The following FAM3D variants were observed in gnomAD, a reference collection of about 807,000 sequenced individuals.
FAM3D encodes FAM3 metabolism regulating signaling molecule D, also known as protein FAM3D.
Under a neutral mutation model 29.8 loss-of-function variants are expected in FAM3D, and 26 were observed. The ratio of observed to expected loss-of-function variants is 0.87; its 90% confidence interval spans 0.64 to 1.21. FAM3D has a LOEUF of 1.21. Ranked by LOEUF, FAM3D falls within the 50% of genes most tolerant of loss-of-function variation. FAM3D has a pLI of 0.00. For synonymous variants in FAM3D, 115 were observed against 102.3 expected (o/e 1.12, Z -0.75); for missense variants, 253 against 290.9 (o/e 0.87, Z 0.95).
rs549042715 is a variant in FAM3D at position 58,657,357 on chromosome 3, C to G, written c.-38-1756G>C. On this transcript the variant is annotated intron_variant, in intron 1 of 9. Coordinates refer to ENST00000358781, the MANE Select transcript of FAM3D (RefSeq NM_138805.3). ...TCTGGGACAGAGTTGAAGGGGGAGA[C>G]GGAGAGAAGGGGCGGGGTGGTGGGG... Among the ~76,000 whole-genome samples the G allele has an allele frequency of 1.1e-4, 13 of 119,814 alleles. No individual in the cohort carries two copies. In the South Asian group the frequency reaches 2.7e-3, roughly 25 times the overall value. The allele number at this position is 119,814 out of a possible 152,430, so 78.6% of individuals were successfully genotyped here.
Position 58,643,707 on chromosome 3 carries a change from C to G in FAM3D, c.277G>C (p.Val93Leu), listed in dbSNP as rs1311313233. 1 of 1,613,988 alleles carries G rather than the reference C, an allele frequency of 6.2e-7. No individual in the cohort carries two copies. Among genetic ancestry groups the G allele is most frequent in the South Asian group, 1.1e-5 (1 of 91,078 alleles). ...AGGCCTCTGCCCACATTGTTTTTCA[C>G]AGGACTCATGATCCTGAAGACAATG... ...CFEDRMIMSP[V>L]KNNVGRGLNI... Residue 93 changes from valine (V) to leucine (L), a missense_variant, in exon 6 of 10, where the codon GTG becomes CTG. By Grantham distance (32) the Val-to-Leu change is conservative. Coordinates refer to ENST00000358781, the MANE Select transcript of FAM3D (RefSeq NM_138805.3).
chr3:58,665,594 A>G (rs915791641), intron 1 of FAM3D, among the ~76,000 whole-genome samples: 1 of 152,164 alleles, frequency 6.6e-6, no homozygotes, highest in Non-Finnish European at 1.5e-5. Flanking sequence ...TGAATCATCT[A>G]GAAGGACACT....
chr3:58,648,657 C>T (rs2066542752), intron 4 of FAM3D, among the ~76,000 whole-genome samples: 3 of 152,200 alleles, frequency 2.0e-5, no homozygotes, highest in Admixed American at 2.0e-4. Context: ...TTACTAGTAC[C>T]ATCATCACAG....
intron 4 of FAM3D, among the ~76,000 whole-genome samples, chr3:58,646,539 T>C (rs554248456): frequency 1.3e-5 from 2 of 152,342 alleles, no homozygotes; most frequent in African/African-American, 4.8e-5. Flanking sequence ...TTCATCCTAA[T>C]GTGTGCTTTT....
At chr3:58,661,034 C>A (rs181300664) in intron 1 of FAM3D, among the ~76,000 whole-genome samples, 1 of 152,136 alleles carries the variant, frequency 6.6e-6, no homozygotes, top group Non-Finnish European at 1.5e-5. Context: ...CTTGGCAGGC[C>A]GTATGTTCTG....
At chr3:58,636,806 G>A (rs1395932032) in intron 8 of FAM3D, among the ~76,000 whole-genome samples, 2 of 151,994 alleles carry the variant, frequency 1.3e-5, no homozygotes, top group Admixed American at 6.6e-5. Context: ...GAGGGTGAGC[G>A]ATTTTCCACG....
intron 1 of FAM3D, among the ~76,000 whole-genome samples, chr3:58,665,908 A>G (rs1279350657): frequency 6.6e-6 from 1 of 152,208 alleles, no homozygotes; most frequent in Non-Finnish European, 1.5e-5. Flanking sequence ...TCAGCGATTG[A>G]TGGGGGATAT....
At chr3:58,645,748 G>C (rs372504404) in intron 4 of FAM3D, 122 bp from the exon 5 acceptor site, 157 of 839,136 alleles carry the variant, frequency 1.9e-4, no homozygotes, top group Non-Finnish European at 2.9e-4. Flanking sequence ...GCCTCTTTCT[G>C]GGGGAGCCTT....
chr3:58,646,549 T>C (rs1009656965), intron 4 of FAM3D, among the ~76,000 whole-genome samples: 1 of 152,222 alleles, frequency 6.6e-6, no homozygotes, highest in African/African-American at 2.4e-5. Flanking sequence ...TGTGTGCTTT[T>C]TAGCACCCGC....
rs1375328667 is a variant in FAM3D at position 58,640,203 on chromosome 3, T to A, written c.323-26A>T. 4 of 1,613,152 alleles carry A rather than the reference T, an allele frequency of 2.5e-6. No homozygotes were observed. In the South Asian group the frequency reaches 4.4e-5, roughly 18 times the overall value. On this transcript the variant is annotated intron_variant, in intron 6 of 9. Coordinates refer to ENST00000358781, the MANE Select transcript of FAM3D (RefSeq NM_138805.3). The stretch of plus-strand genomic sequence containing the variant: ...CTAGGGGTTAAGAGGAGAACGATTA[T>A]CCCCTGTAACACGTGTCATTCTGCC...
At chr3:58,665,502 C>G (rs1450383143) in intron 1 of FAM3D, among the ~76,000 whole-genome samples, 1 of 152,154 alleles carries the variant, frequency 6.6e-6, no homozygotes, top group Non-Finnish European at 1.5e-5. Context: ...CAAGTTTTCC[C>G]TTTCTGGTTA....
intron 6 of FAM3D, among the ~76,000 whole-genome samples, chr3:58,642,981 A>G (rs1355661057): frequency 6.6e-6 from 1 of 152,168 alleles, no homozygotes; most frequent in Non-Finnish European, 1.5e-5. Flanking sequence ...CTGCCTGGAA[A>G]GAGCCTTCCC....
intron 2 of FAM3D, among the ~76,000 whole-genome samples, chr3:58,655,051 G>T (rs967886810): frequency 3.1e-4 from 47 of 151,538 alleles, no homozygotes; most frequent in Middle Eastern, 3.4e-3. Context: ...TGTCAAAAGT[G>T]GGGTTTACAC....
At position 58,636,538 on chromosome 3, in the gene FAM3D, G is replaced by A. The variant is rs577930732; in HGVS notation, c.459-118C>T. 286 of 1,433,642 alleles carry A rather than the reference G, an allele frequency of 2.0e-4. No individual in the cohort carries two copies. The African/African-American group carries it at 3.6e-3, about 18-fold the overall frequency. 88.8% of individuals were successfully genotyped at this position (1,433,642 alleles called of 1,614,324 possible). A position where few individuals can be genotyped will look rare whatever the true frequency, so the allele number is the denominator to read the frequency against. ...CTCCCCATTCAGCATCTGCCCTGGG[G>A]GTGTCCAGAGAACGTGGCTGCACTC... On this transcript the variant is annotated intron_variant, in intron 8 of 9. Transcript: ENST00000358781.
chr3:58,659,038 C>T (rs2066880775), intron 1 of FAM3D, among the ~76,000 whole-genome samples: 1 of 152,294 alleles, frequency 6.6e-6, no homozygotes, highest in African/African-American at 2.4e-5. Flanking sequence ...CCTGGGTTTG[C>T]CACTTACTAG....
Position 58,636,296 on chromosome 3 carries a change from G to A in FAM3D, c.583C>T (p.Gln195Ter). The A allele has an allele frequency of 1.9e-6, 3 of 1,613,702 alleles. No individual in the cohort carries two copies. Among genetic ancestry groups the A allele is most frequent in the East Asian group, 2.2e-5 (1 of 44,888 alleles). ...KDLRGKSPFE[Q>*]FLKNSPDTNK... ...CCGGGTTGTGGCCCAGAACCCACCTGCTCAAAGGGGCTTTTACCCCTGAGG... is the reference window on the plus strand; with the variant it reads ...CCGGGTTGTGGCCCAGAACCCACCTACTCAAAGGGGCTTTTACCCCTGAGG... Residue 195 changes from glutamine to a stop codon, truncating the protein, a stop_gained and splice_region_variant, in exon 9 of 10, where the codon CAG becomes TAG. Coordinates refer to ENST00000358781, the MANE Select transcript of FAM3D (RefSeq NM_138805.3). LOFTEE classifies it low-confidence loss of function (END_TRUNC).
chr3:58,635,703 C>T lies in FAM3D; in HGVS notation c.585+591G>A, dbSNP rs146567558. 7.2e-5 allele frequency among the ~76,000 whole-genome samples: 11 copies of T among 152,344 alleles called. No individual in the cohort carries two copies. Among genetic ancestry groups the T allele is most frequent in the Admixed American group, 6.5e-5 (1 of 15,306 alleles). Reference sequence around the variant, plus strand: ...CAAGTAATTTCTAGTTACCCAAATACATCCTCTTAGAAACACACGCATACA... The same window carrying T: ...CAAGTAATTTCTAGTTACCCAAATATATCCTCTTAGAAACACACGCATACA... On this transcript the variant is annotated intron_variant, in intron 9 of 9. Transcript: ENST00000358781. This position sits in a 1 kb window ranked among gnomAD's most constrained non-coding sequence, Gnocchi z 5.2.
chr3:58,662,475 T>C (rs929360831), intron 1 of FAM3D, among the ~76,000 whole-genome samples: 1 of 152,224 alleles, frequency 6.6e-6, no homozygotes, highest in Non-Finnish European at 1.5e-5. Flanking sequence ...ATTCTGCCAA[T>C]ATTAAGCCCT....
rs748711513 is a variant in FAM3D, at chr3:58,643,731, T to C, written c.264-11A>G. 63 of 1,613,700 alleles carry C rather than the reference T, an allele frequency of 3.9e-5. No individual in the cohort carries two copies. In the Admixed American group the frequency reaches 6.7e-4, roughly 17 times the overall value. ...ACAGGACTCATGATCCTGAAGACAA[T>C]GAAGAAGAAATATGACAGTCGGTCC... On this transcript the variant is annotated splice_polypyrimidine_tract_variant and intron_variant, in intron 5 of 9. Coordinates refer to ENST00000358781, the MANE Select transcript of FAM3D (RefSeq NM_138805.3).
Sources: gnomAD v4.1 joint callset for allele counts (sites outside exome capture counted in the v4.1 genomes callset) on GRCh38, gnomAD v4.1.1 for gene constraint, Gnocchi (gnomAD v3.1) non-coding constraint, MANE v1.5 for transcripts, NCBI Gene and HGNC (gene_info 2026-07-23, HGNC 2026-07-21) for gene names.